The following LRP1B variants were observed in gnomAD, a reference collection of about 807,000 sequenced individuals.
The protein encoded by LRP1B is LDL receptor related protein 1B.
A neutral mutation model predicts 556.6 loss-of-function variants in LRP1B; 217 were observed. The observed-to-expected ratio is 0.39, with a 90% CI of 0.35 to 0.44. The LOEUF (loss-of-function observed/expected upper bound fraction) is 0.44. Ranked by LOEUF, LRP1B falls within the 20% of genes least tolerant of loss-of-function variation. LRP1B has a pLI of 1.00. For synonymous variants in LRP1B, 2,047 were observed against 1,865.8 expected (o/e 1.10, Z -2.50); for missense variants, 5,053 against 5,620.8 (o/e 0.90, Z 3.23).
chr2:140,953,200 C>T (rs1220509238), intron 18 of LRP1B, among the ~76,000 whole-genome samples: 2 of 152,138 alleles, frequency 1.3e-5, no homozygotes, highest in Non-Finnish European at 2.9e-5. Context: ...AAGCGATTCT[C>T]CTGCCTCAGC....
intron 60 of LRP1B, among the ~76,000 whole-genome samples, chr2:140,471,823 T>C (rs1687781987): frequency 6.6e-6 from 1 of 152,186 alleles, no homozygotes; most frequent in Admixed American, 6.5e-5. Flanking sequence ...GGCCCCAATT[T>C]GCCCTTGTTC....
intron 41 of LRP1B, among the ~76,000 whole-genome samples, chr2:140,634,757 C>A (rs1016425018): frequency 1.3e-5 from 2 of 151,904 alleles, no homozygotes; most frequent in Non-Finnish European, 2.9e-5. Context: ...TTATATAATA[C>A]CCCTGAGTAC....
intron 79 of LRP1B, among the ~76,000 whole-genome samples, chr2:140,331,276 G>A (rs767676343): frequency 2.6e-5 from 4 of 152,036 alleles, no homozygotes; most frequent in South Asian, 2.1e-4. Context: ...TTGCAGGGAC[G>A]TGGATGCAGC....
intron 2 of LRP1B, among the ~76,000 whole-genome samples, chr2:141,752,980 C>A (rs1371272403): frequency 1.0e-5 from 1 of 99,034 alleles, no homozygotes; most frequent in Non-Finnish European, 2.2e-5. Context: ...GGTGCGGTGG[C>A]TCGAACACCT....
chr2:141,855,197 A>G (rs1010454811), intron 1 of LRP1B, among the ~76,000 whole-genome samples: 2 of 152,120 alleles, frequency 1.3e-5, no homozygotes, highest in Non-Finnish European at 2.9e-5. Flanking sequence ...CCACTCGAGC[A>G]TGACCATTCA....
chr2:140,429,686 A>G (rs11898162), intron 66 of LRP1B, among the ~76,000 whole-genome samples: 51,033 of 151,942 alleles, frequency 0.34, 9,232 homozygotes, highest in African/African-American at 0.41. Flanking sequence ...TGGTTAGTGC[A>G]GTCAGAATTC....
At chr2:141,812,966 T>C (rs555769032) in intron 1 of LRP1B, among the ~76,000 whole-genome samples, 8 of 152,148 alleles carry the variant, frequency 5.3e-5, no homozygotes, top group African/African-American at 1.7e-4. Flanking sequence ...CATGTGTACA[T>C]GTGTCTGTGA....
At chr2:141,029,078 C>T (rs988866376) in intron 11 of LRP1B, among the ~76,000 whole-genome samples, 2 of 152,050 alleles carry the variant, frequency 1.3e-5, no homozygotes, top group Non-Finnish European at 2.9e-5. Context: ...GATGGAAGAA[C>T]GTTCCAGACA....
chr2:141,725,028 T>G (rs1415713632), intron 2 of LRP1B, among the ~76,000 whole-genome samples: 2 of 151,892 alleles, frequency 1.3e-5, no homozygotes, highest in Non-Finnish European at 2.9e-5. Context: ...GGTATAGCAA[T>G]TAAAATTAAG....
At chr2:140,474,422 C>A (rs1244473667) in intron 60 of LRP1B, among the ~76,000 whole-genome samples, 3 of 151,822 alleles carry the variant, frequency 2.0e-5, no homozygotes, top group Non-Finnish European at 2.9e-5. Flanking sequence ...TTATTTGGGA[C>A]CTCGCTTTGA....
intron 52 of LRP1B, among the ~76,000 whole-genome samples, chr2:140,508,403 C>T (rs996057209): frequency 1.3e-5 from 2 of 152,138 alleles, no homozygotes; most frequent in Non-Finnish European, 2.9e-5. Context: ...CTATAGCCCC[C>T]TCTCCCCAGA....
intron 85 of LRP1B, among the ~76,000 whole-genome samples, chr2:140,272,272 C>CACACAT (rs1553437275): frequency 2.0e-5 from 3 of 150,888 alleles, no homozygotes; most frequent in Non-Finnish European, 4.4e-5. Context: ...CACACACACA[C>CACACAT]ACACACACAC....
chr2:141,354,822 CTA>C (rs1183221335), intron 3 of LRP1B, among the ~76,000 whole-genome samples: 1 of 151,748 alleles, frequency 6.6e-6, no homozygotes, highest in African/African-American at 2.4e-5. Context: ...GAATCTATAA[CTA>C]TAGTCTTAAA....
chr2:141,968,569 CG>C (rs1427371274), intron 1 of LRP1B, among the ~76,000 whole-genome samples: 6 of 151,394 alleles, frequency 4.0e-5, no homozygotes, highest in African/African-American at 1.5e-4. Flanking sequence ...TTTATCCTGA[CG>C]TGTATTTCTA....
intron 86 of LRP1B, among the ~76,000 whole-genome samples, chr2:140,262,076 AAGATC>A (rs1304448594): frequency 7.9e-5 from 12 of 152,000 alleles, no homozygotes; most frequent in African/African-American, 2.7e-4. Context: ...ATTAAAAAAA[AAGATC>A]AGAAGAAAAT....
At position 140,878,989 on chromosome 2, in the gene LRP1B, C is replaced by CA. The variant is rs3063609; in HGVS notation, c.4169+4827dup. Among the ~76,000 whole-genome samples, 84 of 135,802 alleles carry CA rather than the reference C, an allele frequency of 6.2e-4. 1 individual carries two copies. In the South Asian group the frequency reaches 9.1e-3, roughly 15 times the overall value. 89.1% of individuals were successfully genotyped at this position (135,802 alleles called of 152,430 possible). On this transcript the variant is annotated intron_variant, in intron 25 of 90. Coordinates refer to ENST00000389484, the MANE Select transcript of LRP1B (RefSeq NM_018557.3). Reference sequence around the variant, plus strand: ...GGGTGACAGAGCAAAACTCTGTTTCCAAAAAAAAAAAAAAAAGAAAAAGAA... The same window carrying CA: ...GGGTGACAGAGCAAAACTCTGTTTCCAAAAAAAAAAAAAAAAAGAAAAAGAA...
intron 1 of LRP1B, among the ~76,000 whole-genome samples, chr2:141,862,135 A>G (rs1698266595): frequency 6.6e-6 from 1 of 152,194 alleles, no homozygotes; most frequent in South Asian, 2.1e-4. Context: ...AATATGTTAA[A>G]TGATAGTGTG....
At chr2:140,870,494 G>A (rs1290802697) in intron 25 of LRP1B, among the ~76,000 whole-genome samples, 4 of 152,032 alleles carry the variant, frequency 2.6e-5, no homozygotes, top group Non-Finnish European at 4.4e-5. Flanking sequence ...ACACTTGCAT[G>A]TTAGTAATCC....
intron 39 of LRP1B, 123 bp downstream of exon 39, chr2:140,702,018 A>C (rs1246086004): frequency 1.6e-5 from 21 of 1,337,790 alleles, no homozygotes; most frequent in Non-Finnish European, 2.2e-5. Context: ...TTTCTGTGGA[A>C]ATTACTGGCT....
Sources: allele counts gnomAD v4.1 joint callset (sites outside exome capture counted in the v4.1 genomes callset), GRCh38; gene constraint gnomAD v4.1.1; transcripts MANE v1.5; gene names NCBI Gene and HGNC (gene_info 2026-07-23, HGNC 2026-07-21).